Variants in ERN2 observed in about 807,000 individuals in gnomAD.
The protein encoded by ERN2 is serine/threonine-protein kinase/endoribonuclease IRE2.
A neutral mutation model predicts 107.9 loss-of-function variants in ERN2; 111 were observed. The ratio of observed to expected loss-of-function variants is 1.03; its 90% confidence interval spans 0.88 to 1.20. ERN2 has a LOEUF of 1.20. ERN2 is among the 50% of genes most tolerant of loss of function. The pLI is 0.00. For synonymous variants in ERN2, 524 were observed against 501.7 expected (o/e 1.04, Z -0.59); for missense variants, 1,225 against 1,197.9 (o/e 1.02, Z -0.33).
intron 1 of ERN2, 36 bp from the exon 2 acceptor site, chr16:23,711,054 G>C (rs1960521562): frequency 6.8e-7 from 1 of 1,480,216 alleles, no homozygotes; most frequent in Non-Finnish European, 9.4e-7. Context: ...GCTCTCTGAG[G>C]GGTCTGGGAC....
intron 13 of ERN2, among the ~76,000 whole-genome samples, chr16:23,699,540 T>C (rs1597147744): frequency 6.6e-6 from 1 of 152,132 alleles, no homozygotes; most frequent in Non-Finnish European, 1.5e-5. Context: ...CCTCCTGCCT[T>C]AGCCTTCTGA....
intron 13 of ERN2, among the ~76,000 whole-genome samples, chr16:23,700,118 C>T (rs1050475389): frequency 2.6e-5 from 4 of 152,128 alleles, no homozygotes; most frequent in African/African-American, 9.7e-5. Flanking sequence ...CACTAGAGGA[C>T]ATCAGTTCAA....
chr16:23,705,230 G>T (rs1567251984), intron 7 of ERN2, 83 bp from the exon 8 acceptor site: 1 of 1,479,974 alleles, frequency 6.8e-7, no homozygotes, highest in Non-Finnish European at 9.3e-7. Flanking sequence ...TGAGGGGTCA[G>T]TCTGGTGTGT....
rs190364627 is a variant in ERN2, at chr16:23,694,878, G to T, written c.1950C>A (p.Ser650Arg). 9.8e-5 allele frequency: 158 copies of T among 1,614,248 alleles called. 1 individual carries two copies. The East Asian group carries it at 2.4e-3, about 25-fold the overall frequency. Reference sequence around the variant, plus strand: ...AGAGCACCACTCTGCCCAGGCCCTGGCTGTCAGGCCCGGTGATGAGAATAT... The same window carrying T: ...AGAGCACCACTCTGCCCAGGCCCTGTCTGTCAGGCCCGGTGATGAGAATAT... The part of the protein sequence containing the change: ...PGNILITGPD[S>R]QGLGRVVLSD... The change falls in exon 17 of 22, where the codon AGC (serine) becomes AGA (arginine). Residue 650 changes from serine (S) to arginine (R), a missense_variant. Transcript: ENST00000256797.
intron 4 of ERN2, among the ~76,000 whole-genome samples, chr16:23,708,407 A>C (rs754777477): frequency 6.4e-4 from 76 of 118,900 alleles, no homozygotes; most frequent in Non-Finnish European, 1.1e-3. Flanking sequence ...TCCAGGCTGG[A>C]GTGCAGTGGT....
intron 1 of ERN2, 156 bp downstream of exon 1, chr16:23,712,939 G>A (rs1292515772): frequency 1.7e-6 from 1 of 576,260 alleles, no homozygotes; most frequent in Non-Finnish European, 2.9e-6. Flanking sequence ...AAACCCAGGA[G>A]GCTTTTACTC....
rs1306226937 is a variant in ERN2, at chr16:23,706,109, A to T, written c.589+221T>A. The T allele has an allele frequency of 8.2e-6, 4 of 487,424 alleles. No homozygotes were observed. In the East Asian group the frequency reaches 1.4e-4, roughly 18 times the overall value. The allele number at this position is 487,424 out of a possible 1,614,324, so 30.2% of individuals were successfully genotyped here. On this transcript the variant is annotated intron_variant, in intron 7 of 21. Coordinates refer to ENST00000256797, the MANE Select transcript of ERN2 (RefSeq NM_033266.4). Reference sequence around the variant, plus strand: ...GTTGGGGCCACTTGGAGTATAGAAGAGTTAGGAGGTTGAGGGATTGGCCAG... The same window carrying T: ...GTTGGGGCCACTTGGAGTATAGAAGTGTTAGGAGGTTGAGGGATTGGCCAG...
chr16:23,705,750 A>C (rs1009505342), intron 7 of ERN2, among the ~76,000 whole-genome samples: 2 of 152,176 alleles, frequency 1.3e-5, no homozygotes, highest in Admixed American at 6.5e-5. Flanking sequence ...CCATCTCTAC[A>C]CAAAAATTAA....
chr16:23,699,583 C>G (rs1478158817), intron 13 of ERN2, among the ~76,000 whole-genome samples: 1 of 152,074 alleles, frequency 6.6e-6, no homozygotes, highest in African/African-American at 2.4e-5. Flanking sequence ...ACCACCACGC[C>G]CGGCGAATTG....
rs1259848828 is a variant in ERN2, at chr16:23,690,699, TCTCA to T, written c.*128_*131del. 7.0e-6 allele frequency: 5 copies of T among 713,240 alleles called. No homozygotes were observed. Among genetic ancestry groups the T allele is most frequent in the Admixed American group, 4.8e-5 (2 of 41,726 alleles). 44.2% of individuals were successfully genotyped at this position (713,240 alleles called of 1,614,324 possible). A position where few individuals can be genotyped will look rare whatever the true frequency, so the allele number is the denominator to read the frequency against. ...TCGAACTCCTGAGCTCAAGTGATCC[TCTCA>T]CTCAGCCTCCCAAAATGCTGGGATT... On this transcript the variant is annotated 3_prime_UTR_variant, in exon 22 of 22. Transcript: ENST00000256797.
chr16:23,704,819 A>G (rs1960229255), intron 8 of ERN2, 64 bp downstream of exon 8: 5 of 1,552,504 alleles, frequency 3.2e-6, no homozygotes, highest in East Asian at 4.5e-5. Context: ...TCGCCTGGCC[A>G]TCAGACCCAG....
chr16:23,690,809 T>C lies in ERN2; in HGVS notation c.*22A>G. The C allele has an allele frequency of 1.9e-6, 3 of 1,590,664 alleles. No homozygotes were observed. Among genetic ancestry groups the C allele is most frequent in the African/African-American group, 1.3e-5 (1 of 74,736 alleles). ...CTTCAGTGAGCCAGCACGGAGACCA[T>C]CTGTGTGGCATCCAGCCCACCTCAC... On this transcript the variant is annotated 3_prime_UTR_variant, in exon 22 of 22. Coordinates refer to ENST00000256797, the MANE Select transcript of ERN2 (RefSeq NM_033266.4).
At position 23,690,805 on chromosome 16, in the gene ERN2, A is replaced by T; in HGVS notation, c.*26T>A. The T allele has an allele frequency of 6.3e-7, 1 of 1,581,978 alleles. No homozygotes were observed. The highest frequency in any genetic ancestry group is 2.2e-5 in the East Asian group (1 of 44,754). ...AGCTCTTCAGTGAGCCAGCACGGAG[A>T]CCATCTGTGTGGCATCCAGCCCACC... On this transcript the variant is annotated 3_prime_UTR_variant, in exon 22 of 22. Transcript: ENST00000256797.
chr16:23,702,448 G>A lies in ERN2; in HGVS notation c.1023C>T (p.Ser341=), dbSNP rs1241710319. ...TGCCTGAGGGGTATCTAACAGCAGT[G>A]CTGGGTGAGCCCTCTCGCTCTCCTG... The part of the protein sequence containing the change: ...QVSGEREGSP[S]TAVRYPSGSV... The change falls in exon 10 of 22, where the codon AGC becomes AGT. Residue 341 remains serine (S), a synonymous_variant. Transcript: ENST00000256797. 1 of 1,613,380 alleles carries A rather than the reference G, an allele frequency of 6.2e-7. No individual in the cohort carries two copies. The highest frequency in any genetic ancestry group is 8.5e-7 in the Non-Finnish European group (1 of 1,180,044).
chr16:23,702,774 A>C, intron 8 of ERN2, 72 bp from the exon 9 acceptor site: 23 of 1,260,978 alleles, frequency 1.8e-5, no homozygotes, highest in Non-Finnish European at 2.6e-5. Flanking sequence ...CAAGGTACTC[A>C]TGCCCTTGTA....
Position 23,701,099 on chromosome 16 carries a change from G to T in ERN2, c.1219C>A (p.Arg407=). 1 of 1,613,806 alleles carries T rather than the reference G, an allele frequency of 6.2e-7. No individual in the cohort carries two copies. Among genetic ancestry groups the T allele is most frequent in the African/African-American group, 1.3e-5 (1 of 74,972 alleles). The change falls in exon 12 of 22, where the codon CGA becomes AGA. Residue 407 remains arginine (R), a synonymous_variant. Coordinates refer to ENST00000256797, the MANE Select transcript of ERN2 (RefSeq NM_033266.4). The part of the protein sequence containing the change: ...AFFLELLSLS[R]EKLWDSELHP... ...AGCTCGGAGTCCCAAAGTTTCTCTC[G>T]GCTCAGGCTCAATAGCTGGGGATAA...
chr16:23,691,041 C>T lies in ERN2; in HGVS notation c.2571G>A (p.Lys857=), dbSNP rs1005327630. 8.7e-6 allele frequency: 14 copies of T among 1,614,192 alleles called. No individual in the cohort carries two copies. The highest frequency in any genetic ancestry group is 1.7e-5 in the Admixed American group (1 of 60,028). The change falls in exon 22 of 22, where the codon AAG becomes AAA. Residue 857 remains lysine (K), a splice_region_variant and synonymous_variant. Coordinates refer to ENST00000256797, the MANE Select transcript of ERN2 (RefSeq NM_033266.4). ...RDLLRAVRNK[K]HHYRELPVEV... is the part of the protein sequence containing the mutation. The stretch of plus-strand genomic sequence containing the variant: ...CAACTGGGAGCTCCCTGTAGTGGTG[C>T]TTCTGTGGGTAGGTAGAGCAGAGAA...
At position 23,690,951 on chromosome 16, in the gene ERN2, T is replaced by A. The variant is rs1398516413; in HGVS notation, c.2661A>T (p.Pro887=). 1 of 1,614,064 alleles carries A rather than the reference T, an allele frequency of 6.2e-7. No homozygotes were observed. Residue 887 remains proline, a synonymous_variant, in exon 22 of 22, where the codon CCA becomes CCT. Coordinates refer to ENST00000256797, the MANE Select transcript of ERN2 (RefSeq NM_033266.4). ...CTCGGTGCGTGTGGAGGAGCAGCCG[T>A]GGGAAGCGGTTTGTGAAGTACTGGA... ...GFVQYFTNRF[P]RLLLHTHRAM...
chr16:23,706,336 C>T lies in ERN2; in HGVS notation c.583G>A (p.Gly195Arg). ...AGAGAAAGGTGGAACTCACATTTCC[C>T]AGGTGAGCCATCCATGGGGGGCGCT... ...YSAPPMDGSPGKYMSHLASCG... is the reference protein window; with the variant it reads ...YSAPPMDGSPRKYMSHLASCG... The change falls in exon 7 of 22, where the codon GGG becomes AGG. Residue 195 changes from glycine (G) to arginine (R), a missense_variant. Transcript: ENST00000256797. 3 of 1,530,336 alleles carry T rather than the reference C, an allele frequency of 2.0e-6. No individual in the cohort carries two copies. The highest frequency in any genetic ancestry group is 1.3e-5 in the South Asian group (1 of 78,338). The allele number at this position is 1,530,336 out of a possible 1,614,324, so 94.8% of individuals were successfully genotyped here.
Sources: allele counts gnomAD v4.1 joint callset (sites outside exome capture counted in the v4.1 genomes callset), GRCh38; gene constraint gnomAD v4.1.1; transcripts MANE v1.5; gene names NCBI Gene and HGNC (gene_info 2026-07-23, HGNC 2026-07-21).